Variants in PSMA1 observed in about 807,000 individuals in gnomAD.
PSMA1 encodes the protein proteasome subunit alpha type-1.
A neutral mutation model predicts 38.4 loss-of-function variants in PSMA1; 3 were observed. The ratio of observed to expected loss-of-function variants is 0.08; its 90% CI spans 0.04 to 0.20. PSMA1 has a LOEUF of 0.20. PSMA1 is among the 10% of genes least tolerant of loss of function. The pLI is 1.00. For missense variants in PSMA1, 227 were observed against 325.3 expected, an observed-to-expected ratio of 0.70 and a Z score of 2.32; for synonymous variants, 101 against 107.1, an observed-to-expected ratio of 0.94 and a Z score of 0.35.
chr11:14,628,106 A>C (rs886190393), intron 1 of PSMA1, among the ~76,000 whole-genome samples: 21 of 152,218 alleles, frequency 1.4e-4, no homozygotes, highest in Non-Finnish European at 2.8e-4. Flanking sequence ...TGAACTGCGC[A>C]TGCAAGGGAT....
intron 2 of PSMA1, among the ~76,000 whole-genome samples, chr11:14,592,394 ATTTTT>A (rs757886405): frequency 2.9e-5 from 4 of 138,146 alleles, no homozygotes; most frequent in South Asian, 2.3e-4. Flanking sequence ...ATATATATAT[ATTTTT>A]TTTTTAGATG....
At chr11:14,605,469 A>G (rs1423825549) in intron 2 of PSMA1, among the ~76,000 whole-genome samples, 2 of 152,024 alleles carry the variant, frequency 1.3e-5, no homozygotes, top group East Asian at 3.9e-4. Context: ...CTGCAGCCTC[A>G]ATCGCCCAGG....
intron 2 of PSMA1, among the ~76,000 whole-genome samples, chr11:14,536,602 A>T (rs939113465): frequency 2.7e-5 from 4 of 150,806 alleles, no homozygotes; most frequent in Admixed American, 6.6e-5. Context: ...GGCAGCATTT[A>T]AAAAAATTTT....
chr11:14,535,780 A>G (rs895140670), intron 2 of PSMA1, among the ~76,000 whole-genome samples: 5 of 151,820 alleles, frequency 3.3e-5, no homozygotes. Flanking sequence ...TTTTATTTGG[A>G]TTTTTTTTAT....
At chr11:14,601,183 A>G (rs1852576400) in intron 2 of PSMA1, among the ~76,000 whole-genome samples, 1 of 152,202 alleles carries the variant, frequency 6.6e-6, no homozygotes, top group Non-Finnish European at 1.5e-5. Context: ...GGGGTCTTGC[A>G]ACACAAATGG....
intron 2 of PSMA1, among the ~76,000 whole-genome samples, chr11:14,591,837 GC>G (rs1852419155): frequency 6.6e-6 from 1 of 152,144 alleles, no homozygotes; most frequent in Non-Finnish European, 1.5e-5. Flanking sequence ...AAAGCAGGCT[GC>G]CCCAGCCAGC....
chr11:14,582,692 T>A (rs1483244780), intron 2 of PSMA1, among the ~76,000 whole-genome samples: 5 of 151,566 alleles, frequency 3.3e-5, no homozygotes, highest in Non-Finnish European at 7.4e-5. Flanking sequence ...TAATTTTTTT[T>A]TTTTTTTTTG....
chr11:14,569,157 T>C (rs1852107891), intron 2 of PSMA1, among the ~76,000 whole-genome samples: 1 of 152,222 alleles, frequency 6.6e-6, no homozygotes, highest in Non-Finnish European at 1.5e-5. Flanking sequence ...TTCTACCACA[T>C]TGTCATCAGG....
At chr11:14,590,236 A>G (rs1664847642) in intron 2 of PSMA1, among the ~76,000 whole-genome samples, 1 of 152,234 alleles carries the variant, frequency 6.6e-6, no homozygotes, top group Non-Finnish European at 1.5e-5. Context: ...CAGATCTGCA[A>G]GATGAAAAGA....
chr11:14,520,109 C>T, intron 1 of PSMA1, 188 bp downstream of exon 1: 2 of 884,470 alleles, frequency 2.3e-6, no homozygotes, highest in Non-Finnish European at 3.5e-6. Flanking sequence ...AAAGGCCGCA[C>T]TGGCTACCGA....
At chr11:14,630,265 A>C (rs961997966) in intron 1 of PSMA1, among the ~76,000 whole-genome samples, 3 of 152,110 alleles carry the variant, frequency 2.0e-5, no homozygotes, top group African/African-American at 7.2e-5. Flanking sequence ...GAATGCTTCC[A>C]GTTTTTGCCC....
intron 2 of PSMA1, among the ~76,000 whole-genome samples, chr11:14,530,208 T>A (rs1851632653): frequency 6.6e-6 from 1 of 152,112 alleles, no homozygotes; most frequent in Non-Finnish European, 1.5e-5. Flanking sequence ...TCCCTAGGTG[T>A]GAGGTGAGGA....
intron 2 of PSMA1, among the ~76,000 whole-genome samples, chr11:14,575,181 G>T (rs1401073354): frequency 1.3e-5 from 2 of 152,112 alleles, no homozygotes; most frequent in Non-Finnish European, 1.5e-5. Context: ...CTAGAGATCT[G>T]TGGAACTTTG....
At chr11:14,584,501 TTTTTTG>T (rs1166577929) in intron 2 of PSMA1, among the ~76,000 whole-genome samples, 8 of 141,068 alleles carry the variant, frequency 5.7e-5, no homozygotes, top group African/African-American at 2.0e-4. Flanking sequence ...GTTTTTTTTG[TTTTTTG>T]TTTTTTTTTT....
At chr11:14,557,593 T>G (rs1193649739) in intron 2 of PSMA1, among the ~76,000 whole-genome samples, 1 of 152,178 alleles carries the variant, frequency 6.6e-6, no homozygotes, top group African/African-American at 2.4e-5. Flanking sequence ...ACATTTTTAT[T>G]TCTAAAAGCT....
At chr11:14,641,268 T>G (rs375242113) in intron 1 of PSMA1, among the ~76,000 whole-genome samples, 8 of 152,174 alleles carry the variant, frequency 5.3e-5, no homozygotes, top group African/African-American at 1.9e-4. Flanking sequence ...AGGTATACTG[T>G]GACTTCAGTT....
intron 2 of PSMA1, among the ~76,000 whole-genome samples, chr11:14,528,925 A>C (rs1851616524): frequency 6.6e-6 from 1 of 152,134 alleles, no homozygotes; most frequent in Non-Finnish European, 1.5e-5. Context: ...AAAATCTTTA[A>C]GAACTAATTA....
At chr11:14,563,898 T>C (rs1461508381) in intron 2 of PSMA1, among the ~76,000 whole-genome samples, 1 of 152,202 alleles carries the variant, frequency 6.6e-6, no homozygotes, top group Admixed American at 6.5e-5. Context: ...TTATAATCAA[T>C]GATTAAATTT....
chr11:14,631,426 C>A (rs1161807952), intron 1 of PSMA1, among the ~76,000 whole-genome samples: 1 of 151,916 alleles, frequency 6.6e-6, no homozygotes, highest in African/African-American at 2.4e-5. Flanking sequence ...GTTATATACC[C>A]AGTAGTCATT....
Sources: allele counts gnomAD v4.1 joint callset (sites outside exome capture counted in the v4.1 genomes callset), GRCh38; gene constraint gnomAD v4.1.1; transcripts MANE v1.5; gene names NCBI Gene and HGNC (gene_info 2026-07-23, HGNC 2026-07-21).